Variants in PROM1 observed in about 807,000 individuals in gnomAD.
PROM1 encodes the protein prominin-1.
In PROM1, 105 loss-of-function variants were observed where a neutral mutation model predicts 116.9. The ratio of observed to expected loss-of-function variants is 0.90; its 90% CI spans 0.77 to 1.06. The LOEUF is 1.06. Ranked by LOEUF, PROM1 falls within the 50% of genes least tolerant of loss-of-function variation. The pLI is 0.00. For synonymous variants in PROM1, 393 were observed against 387.0 expected (o/e 1.02, Z -0.18); for missense variants, 1,122 against 1,045.2 (o/e 1.07, Z -1.01).
At chr4:16,055,778 TACTAGTGGTGGCATAA>T (rs1399369568) in intron 2 of PROM1, among the ~76,000 whole-genome samples, 1 of 152,208 alleles carries the variant, frequency 6.6e-6, no homozygotes, top group East Asian at 1.9e-4. Context: ...CCCAACACAT[TACTAGTGGTGGCATAA>T]ACATCACAGA....
rs1276971685 is a variant in PROM1 at position 15,969,007 on chromosome 4, A to G, written c.*386T>C. Reference sequence around the variant, plus strand: ...CTGTAAACTGGTGTGTGTTCAGCACACTCCACACATGGCAATATGTTAGAA... The same window carrying G: ...CTGTAAACTGGTGTGTGTTCAGCACGCTCCACACATGGCAATATGTTAGAA... On this transcript the variant is annotated 3_prime_UTR_variant, in exon 28 of 28. Coordinates refer to ENST00000447510, the MANE Select transcript of PROM1 (RefSeq NM_006017.3). The G allele has an allele frequency of 6.6e-6, 1 of 152,206 alleles. No homozygotes were observed. Among genetic ancestry groups the G allele is most frequent in the Non-Finnish European group, 1.5e-5 (1 of 68,038 alleles). 9.4% of individuals were successfully genotyped at this position (152,206 alleles called of 1,614,324 possible). A position where few individuals can be genotyped will look rare whatever the true frequency, so the allele number is the denominator to read the frequency against.
intron 11 of PROM1, 93 bp downstream of exon 11, chr4:16,013,182 T>C: frequency 2.0e-6 from 2 of 1,022,868 alleles, no homozygotes; most frequent in South Asian, 1.5e-5. Context: ...AGAAACTGTT[T>C]TTTTAAGAGG....
At chr4:15,981,237 A>C (rs1717846179) in intron 23 of PROM1, among the ~76,000 whole-genome samples, 1 of 149,612 alleles carries the variant, frequency 6.7e-6, no homozygotes, top group South Asian at 2.2e-4. Flanking sequence ...CTGAGATTAC[A>C]GGCGTGAGCC....
chr4:16,055,881 G>T (rs1738888299), intron 2 of PROM1, among the ~76,000 whole-genome samples: 1 of 152,100 alleles, frequency 6.6e-6, no homozygotes, highest in Non-Finnish European at 1.5e-5. Flanking sequence ...TCTGGGAAAA[G>T]AATCCTAAAC....
intron 25 of PROM1, 44 bp downstream of exon 25, chr4:15,979,837 T>TC (rs777979648): frequency 2.2e-5 from 31 of 1,412,702 alleles, no homozygotes; most frequent in South Asian, 2.1e-4. Context: ...AATATCAACC[T>TC]CCCCCATCCC....
chr4:16,023,229 A>G (rs956404940), intron 8 of PROM1, 97 bp downstream of exon 8: 34 of 1,126,478 alleles, frequency 3.0e-5, no homozygotes, highest in Non-Finnish European at 3.9e-5. Context: ...GCTCTCCCCA[A>G]GCCAGCTCTC....
intron 8 of PROM1, among the ~76,000 whole-genome samples, chr4:16,022,349 T>G (rs1452632463): frequency 6.6e-6 from 1 of 152,128 alleles, no homozygotes; most frequent in Non-Finnish European, 1.5e-5. Context: ...GAGGATGTTG[T>G]TCGTGATGTT....
chr4:15,981,011 G>C (rs1717763995), intron 23 of PROM1, among the ~76,000 whole-genome samples: 1 of 150,512 alleles, frequency 6.6e-6, no homozygotes, highest in Admixed American at 6.6e-5. Context: ...GCCCAGGCTA[G>C]AGTGCAGTGG....
rs199962354 is a variant in PROM1 at position 16,023,403 on chromosome 4, A to T, written c.707T>A (p.Val236Glu). 6.2e-7 allele frequency: 1 copy of T among 1,600,470 alleles called. No individual in the cohort carries two copies. Among genetic ancestry groups the T allele is most frequent in the Non-Finnish European group, 8.5e-7 (1 of 1,172,198 alleles). Residue 236 changes from valine (V) to glutamate (E), a missense_variant, in exon 8 of 28, where the codon GTG becomes GAG. Coordinates refer to ENST00000447510, the MANE Select transcript of PROM1 (RefSeq NM_006017.3). ...TCGGTCAAGAATTCCGCCTCCTAGC[A>T]CTGAATTGATACCTACATGCAAATA... ...AFTDLNSINS[V>E]LGGGILDRLR...
At chr4:16,032,393 C>A (rs1244524382) in intron 5 of PROM1, among the ~76,000 whole-genome samples, 1 of 152,206 alleles carries the variant, frequency 6.6e-6, no homozygotes, top group African/African-American at 2.4e-5. Context: ...ACAGGACTTA[C>A]TGTTTTCTGT....
intron 8 of PROM1, among the ~76,000 whole-genome samples, chr4:16,022,761 A>G (rs982283863): frequency 3.9e-4 from 59 of 152,298 alleles, no homozygotes; most frequent in African/African-American, 8.2e-4. Flanking sequence ...TAAAATCAGT[A>G]TATCTGTCAC....
chr4:16,019,142 A>G (rs965234437), intron 8 of PROM1, among the ~76,000 whole-genome samples: 1 of 152,166 alleles, frequency 6.6e-6, no homozygotes, highest in African/African-American at 2.4e-5. Context: ...TGGGGGTTAG[A>G]TCGGCCAGAT....
chr4:16,027,027 T>C (rs1731466584), intron 5 of PROM1, among the ~76,000 whole-genome samples: 2 of 152,216 alleles, frequency 1.3e-5, no homozygotes, highest in South Asian at 4.1e-4. Context: ...TTAGATTAGA[T>C]AAGTGCTTCT....
Position 16,068,367 on chromosome 4 carries a change from G to C in PROM1, c.220+7320C>G, listed in dbSNP as rs924424729. On this transcript the variant is annotated intron_variant, in intron 2 of 27. Transcript: ENST00000447510. ...TGTTATCTGGCTTTCCAAGAAATCAGGAGAGACAGATAGCAGCCTATTTCC... is the reference window on the plus strand; with the variant it reads ...TGTTATCTGGCTTTCCAAGAAATCACGAGAGACAGATAGCAGCCTATTTCC... Among the ~76,000 whole-genome samples, 3 of 152,196 alleles carry C rather than the reference G, an allele frequency of 2.0e-5. No homozygotes were observed. The East Asian group carries it at 5.8e-4, about 29-fold the overall frequency.
rs2215200 is a variant in PROM1, at chr4:15,987,652, T to C, written c.2130+11A>G. 1.2e-6 allele frequency: 2 copies of C among 1,607,998 alleles called. No homozygotes were observed. Among genetic ancestry groups the C allele is most frequent in the Non-Finnish European group, 1.7e-6 (2 of 1,177,238 alleles). ...CAAAACCCCATGACAGAAAACAAAGTAAACCCTTACCAACAATCCATTCCC... is the reference window on the plus strand; with the variant it reads ...CAAAACCCCATGACAGAAAACAAAGCAAACCCTTACCAACAATCCATTCCC... On this transcript the variant is annotated intron_variant, in intron 20 of 27. Coordinates refer to ENST00000447510, the MANE Select transcript of PROM1 (RefSeq NM_006017.3).
chr4:15,976,106 G>A (rs1716054790), intron 26 of PROM1: 3 of 447,262 alleles, frequency 6.7e-6, no homozygotes, highest in Non-Finnish European at 9.0e-6. Context: ...TCCAATGTCT[G>A]TCGTAAGCAG....
At chr4:16,010,245 G>A (rs897907979) in intron 11 of PROM1, among the ~76,000 whole-genome samples, 4 of 152,154 alleles carry the variant, frequency 2.6e-5, no homozygotes, top group African/African-American at 9.7e-5. Flanking sequence ...CTAACCTTGG[G>A]TGCAGGATTT....
chr4:16,026,822 TGGTCAACAA>T (rs1731404321), intron 5 of PROM1, among the ~76,000 whole-genome samples: 1 of 152,222 alleles, frequency 6.6e-6, no homozygotes, highest in South Asian at 2.1e-4. Context: ...ATATTTCCTA[TGGTCAACAA>T]GTTGCAGTGT....
intron 3 of PROM1, among the ~76,000 whole-genome samples, chr4:16,037,517 G>A (rs922555295): frequency 3.9e-5 from 6 of 152,032 alleles, no homozygotes; most frequent in Non-Finnish European, 8.8e-5. Flanking sequence ...TGTAACTACC[G>A]TATCTGAGGT....
Sources: allele counts gnomAD v4.1 joint callset (sites outside exome capture counted in the v4.1 genomes callset), GRCh38; gene constraint gnomAD v4.1.1; transcripts MANE v1.5; gene names NCBI Gene and HGNC (gene_info 2026-07-23, HGNC 2026-07-21).